Variants in TNIK observed in about 807,000 individuals in gnomAD.
TNIK encodes TRAF2 and NCK interacting kinase.
TNIK carries 49 observed loss-of-function variants against 191.3 expected under a neutral mutation model. The ratio of observed to expected loss-of-function variants is 0.26; its 90% confidence interval spans 0.20 to 0.32. The LOEUF (loss-of-function observed/expected upper bound fraction) is 0.32, where lower values mean the gene tolerates loss of function less well. TNIK is among the 10% of genes least tolerant of loss of function. The pLI, the probability that TNIK is intolerant of heterozygous loss-of-function variation, is 1.00. For missense variants in TNIK, 1,155 were observed against 1,702.3 expected (o/e 0.68, Z 5.66); for synonymous variants, 594 against 600.9 (o/e 0.99, Z 0.17).
intron 32 of TNIK, among the ~76,000 whole-genome samples, chr3:171,065,896 C>T (rs1323248075): frequency 6.6e-6 from 1 of 152,188 alleles, no homozygotes; most frequent in Non-Finnish European, 1.5e-5. Flanking sequence ...GCCAACTGCT[C>T]TAAGTGCTTA....
At chr3:171,128,688 C>T in intron 16 of TNIK, 26 bp downstream of exon 16, 2 of 1,588,496 alleles carry the variant, frequency 1.3e-6, no homozygotes, top group African/African-American at 1.3e-5. Flanking sequence ...TATTGGAATG[C>T]CTGATGGAAT....
rs369554940 is a variant in TNIK at position 171,063,675 on chromosome 3, C to G, written c.*206G>C. ...CATTCTTGGGGATCTCCTGGAAATT[C>G]CTGCCACCTTTTTCTCTCCTTCTCA... On this transcript the variant is annotated 3_prime_UTR_variant, in exon 33 of 33. Coordinates refer to ENST00000436636, the MANE Select transcript of TNIK (RefSeq NM_015028.4). The G allele has an allele frequency of 9.6e-5, 46 of 479,560 alleles. No individual in the cohort carries two copies. The highest frequency in any genetic ancestry group is 7.9e-4 in the East Asian group (22 of 27,816). 29.7% of individuals were successfully genotyped at this position (479,560 alleles called of 1,614,324 possible).
intron 1 of TNIK, among the ~76,000 whole-genome samples, chr3:171,373,566 C>T (rs910103351): frequency 1.3e-5 from 2 of 152,180 alleles, no homozygotes; most frequent in Admixed American, 6.5e-5. Flanking sequence ...ATTCTCCATA[C>T]TGATCTTTCT....
intron 3 of TNIK, among the ~76,000 whole-genome samples, chr3:171,213,047 C>T (rs1008232037): frequency 2.0e-5 from 3 of 151,896 alleles, no homozygotes; most frequent in South Asian, 2.1e-4. Flanking sequence ...AGTCAAGGGG[C>T]GAGACAGGGG....
At chr3:171,082,200 A>C in intron 27 of TNIK, 51 bp downstream of exon 27, 1 of 1,586,690 alleles carries the variant, frequency 6.3e-7, no homozygotes, top group East Asian at 2.3e-5. Flanking sequence ...AATGAGGTGG[A>C]TCCCTTTCCC....
intron 6 of TNIK, among the ~76,000 whole-genome samples, chr3:171,189,787 C>G (rs1737809572): frequency 6.6e-6 from 1 of 152,066 alleles, no homozygotes; most frequent in South Asian, 2.1e-4. Context: ...AGAATGCTCT[C>G]AGGATAGCTT....
intron 1 of TNIK, among the ~76,000 whole-genome samples, chr3:171,428,609 GC>G (rs1267186296): frequency 6.7e-6 from 1 of 149,148 alleles, no homozygotes; most frequent in South Asian, 2.1e-4. Flanking sequence ...CAAGGGCTCC[GC>G]CCCCACCCCC....
intron 1 of TNIK, among the ~76,000 whole-genome samples, chr3:171,373,496 G>C (rs1311313303): frequency 6.6e-6 from 1 of 151,960 alleles, no homozygotes; most frequent in East Asian, 1.9e-4. Flanking sequence ...CACACAACAG[G>C]CTTCATCATC....
chr3:171,394,320 A>G (rs115708231), intron 1 of TNIK, among the ~76,000 whole-genome samples: 259 of 152,326 alleles, frequency 1.7e-3, no homozygotes, highest in African/African-American at 6.1e-3. Context: ...TCTGAACTCA[A>G]TATAACTTTT....
chr3:171,188,564 A>G lies in TNIK; in HGVS notation c.639+138T>C, dbSNP rs1325121356. On this transcript the variant is annotated intron_variant, in intron 7 of 32. Transcript: ENST00000436636. ...AAAAAGATCCTCACTTGAATGTCTT[A>G]CAGGTCTTAAACTCAAATAATGTTT... The G allele has an allele frequency of 2.9e-6, 3 of 1,028,350 alleles. No individual in the cohort carries two copies. The East Asian group carries it at 8.0e-5, about 28-fold the overall frequency. 63.7% of individuals were successfully genotyped at this position (1,028,350 alleles called of 1,614,324 possible).
intron 1 of TNIK, among the ~76,000 whole-genome samples, chr3:171,390,519 C>G (rs1000436538): frequency 6.6e-5 from 10 of 152,150 alleles, no homozygotes; most frequent in African/African-American, 1.9e-4. Context: ...TATGAAAAGC[C>G]CCTATTTCAC....
chr3:171,192,501 G>A (rs1738181431), intron 5 of TNIK, among the ~76,000 whole-genome samples: 1 of 152,212 alleles, frequency 6.6e-6, no homozygotes, highest in Non-Finnish European at 1.5e-5. Flanking sequence ...CTGGAAAAAG[G>A]AGGAAAGCCA....
At chr3:171,327,263 A>G (rs947158807) in intron 2 of TNIK, among the ~76,000 whole-genome samples, 4 of 152,232 alleles carry the variant, frequency 2.6e-5, no homozygotes, top group African/African-American at 9.6e-5. Context: ...CTCAAGTGGA[A>G]AAACACTGGT....
intron 10 of TNIK, among the ~76,000 whole-genome samples, chr3:171,165,107 G>A (rs1734449645): frequency 6.6e-6 from 1 of 152,048 alleles, no homozygotes; most frequent in Admixed American, 6.6e-5. Context: ...GGGCAACATA[G>A]TGAGACCTCG....
At chr3:171,367,935 G>T (rs9647366) in intron 2 of TNIK, among the ~76,000 whole-genome samples, 84,873 of 151,990 alleles carry the variant, frequency 0.56, 28,141 homozygotes, top group Non-Finnish European at 0.75. Context: ...CTTGGAAGGT[G>T]CCATAGTACT....
intron 12 of TNIK, among the ~76,000 whole-genome samples, chr3:171,151,126 A>G (rs1448274369): frequency 1.3e-5 from 2 of 152,258 alleles, no homozygotes; most frequent in African/African-American, 4.8e-5. Flanking sequence ...CCAAATGTGC[A>G]TGTAAGGAAG....
intron 2 of TNIK, among the ~76,000 whole-genome samples, chr3:171,355,010 C>T (rs1450365143): frequency 2.6e-5 from 4 of 152,138 alleles, no homozygotes; most frequent in Admixed American, 2.0e-4. Context: ...TATTTTCCCC[C>T]ATCCCCTGTG....
chr3:171,250,098 ATTT>A (rs1482411596), intron 2 of TNIK, among the ~76,000 whole-genome samples: 1 of 152,172 alleles, frequency 6.6e-6, no homozygotes, highest in Non-Finnish European at 1.5e-5. Context: ...CGCCTTTCAA[ATTT>A]CACCCAACTT....
chr3:171,227,232 T>C (rs1414382771), intron 3 of TNIK, among the ~76,000 whole-genome samples: 1 of 152,210 alleles, frequency 6.6e-6, no homozygotes, highest in Non-Finnish European at 1.5e-5. Context: ...CATTAGATTG[T>C]ATTTAAAATA....
Sources: gnomAD v4.1 joint callset for allele counts (sites outside exome capture counted in the v4.1 genomes callset) on GRCh38, gnomAD v4.1.1 for gene constraint, MANE v1.5 for transcripts, NCBI Gene and HGNC (gene_info 2026-07-23, HGNC 2026-07-21) for gene names.